Variants in WWP1 observed in about 807,000 individuals in gnomAD.
WWP1 encodes the protein WW domain containing E3 ubiquitin protein ligase 1.
Under a neutral mutation model 130.6 loss-of-function variants are expected in WWP1, and 49 were observed. The ratio of observed to expected loss-of-function variants is 0.38; its 90% CI spans 0.30 to 0.48. The LOEUF (loss-of-function observed/expected upper bound fraction) is 0.48. WWP1 is among the 20% of genes least tolerant of loss of function. The pLI is 0.99. For synonymous variants in WWP1, 332 were observed against 367.8 expected (o/e 0.90, Z 1.11); for missense variants, 809 against 1,100.6 (o/e 0.74, Z 3.75).
intron 9 of WWP1, among the ~76,000 whole-genome samples, chr8:86,414,078 G>C (rs1232758961): frequency 6.6e-6 from 1 of 152,152 alleles, no homozygotes; most frequent in Non-Finnish European, 1.5e-5. Context: ...CTATATTAGT[G>C]TTTTTCAAAT....
rs1179872319 is a variant in WWP1, at chr8:86,448,446, T to G, written c.2206T>G (p.Ser736Ala). 6.2e-7 allele frequency: 1 copy of G among 1,613,812 alleles called. No homozygotes were observed. Among genetic ancestry groups the G allele is most frequent in the East Asian group, 2.2e-5 (1 of 44,808 alleles). Residue 736 changes from serine to alanine, a missense_variant, in exon 20 of 25, where the codon TCA (serine) becomes GCA (alanine). Coordinates refer to ENST00000517970, the MANE Select transcript of WWP1 (RefSeq NM_007013.4). ...VDMEILGKVT[S>A]HDLKLGGSNI... is the part of the protein sequence containing the mutation. The stretch of plus-strand genomic sequence containing the variant: ...CATGGAGATTTTGGGAAAAGTTACT[T>G]CACATGACCTGAAGTTGGGAGGTTC...
intron 14 of WWP1, 103 bp from the exon 15 acceptor site, chr8:86,435,348 TC>T (rs1210673387): frequency 8.4e-7 from 1 of 1,195,236 alleles, no homozygotes; most frequent in Non-Finnish European, 1.2e-6. Context: ...GCAGAAATCT[TC>T]CTGTGGTATT....
At chr8:86,368,622 A>G (rs1474881706) in intron 1 of WWP1, among the ~76,000 whole-genome samples, 2 of 152,166 alleles carry the variant, frequency 1.3e-5, no homozygotes, top group Admixed American at 1.3e-4. Flanking sequence ...GTATATTTTA[A>G]ATACAATATA....
At chr8:86,352,039 CTTTTTTTT>C (rs770047019) in intron 1 of WWP1, among the ~76,000 whole-genome samples, 1 of 125,184 alleles carries the variant, frequency 8.0e-6, no homozygotes, top group Non-Finnish European at 1.6e-5. Flanking sequence ...TAAAATATTC[CTTTTTTTT>C]TTTTTTTTTT....
intron 5 of WWP1, among the ~76,000 whole-genome samples, chr8:86,395,514 C>G (rs1376695601): frequency 6.6e-6 from 1 of 152,072 alleles, no homozygotes; most frequent in African/African-American, 2.4e-5. Context: ...AAAAGTCATG[C>G]CTGGTGACCA....
At chr8:86,401,194 GC>G (rs1807959302) in intron 7 of WWP1, among the ~76,000 whole-genome samples, 1 of 151,702 alleles carries the variant, frequency 6.6e-6, no homozygotes, top group Admixed American at 6.6e-5. Flanking sequence ...TGATTTTAGT[GC>G]CTAGTATATG....
chr8:86,442,748 C>T lies in WWP1; in HGVS notation c.1968C>T (p.Tyr656=), dbSNP rs1810654808. The change falls in exon 18 of 25, where the codon TAC becomes TAT. Residue 656 remains tyrosine (Y), a synonymous_variant. Transcript: ENST00000517970. ...ASTINPDHLS[Y]FCFIGRFIAM... ...CCATTAATCCAGACCATCTTTCATACTTCTGTTTCATTGGTCGTTTTATTG... is the reference window on the plus strand; with the variant it reads ...CCATTAATCCAGACCATCTTTCATATTTCTGTTTCATTGGTCGTTTTATTG... 3 of 1,608,378 alleles carry T rather than the reference C, an allele frequency of 1.9e-6. No individual in the cohort carries two copies. The highest frequency in any genetic ancestry group is 2.5e-6 in the Non-Finnish European group (3 of 1,178,272).
In WWP1 at chr8:86,398,616, C is replaced by A; in HGVS notation, c.517C>A (p.Pro173Thr). Residue 173 changes from proline (P) to threonine (T), a missense_variant, in exon 7 of 25, where the codon CCT (proline) becomes ACT (threonine). This residue lies in a region of WWP1 where 262 missense variants were observed against 346.0 expected (regional missense o/e 0.76). Transcript: ENST00000517970. ...TGATGCCTTACATGAAAATGGAGAG[C>A]CTTCAGCAAGGACAACTGCCAGGTA... ...NGDALHENGE[P>T]SARTTARLAV... The A allele has an allele frequency of 6.2e-7, 1 of 1,612,332 alleles. No individual in the cohort carries two copies. Among genetic ancestry groups the A allele is most frequent in the Middle Eastern group, 2.0e-4 (1 of 5,026 alleles).
chr8:86,465,466 A>C (rs114668153), intron 24 of WWP1, among the ~76,000 whole-genome samples: 1 of 152,270 alleles, frequency 6.6e-6, no homozygotes, highest in African/African-American at 2.4e-5. Context: ...CTACAAAAAA[A>C]AATACAAAAG....
rs779460630 is a variant in WWP1, at chr8:86,461,801, T to C, written c.2624T>C (p.Ile875Thr). The change falls in exon 24 of 25, where the codon ATT becomes ACT. Residue 875 changes from isoleucine (I) to threonine (T), a missense_variant. By Grantham distance (89) the Ile-to-Thr change is moderately conservative. Around this residue, in one of 3 missense-constraint regions of WWP1, gnomAD observed 450 missense variants for 674.2 expected, o/e 0.67. Transcript: ENST00000517970. ...MGSNGPQKFC[I>T]EKVGKDTWLP... ...AGTAATGGGCCTCAAAAGTTTTGCA[T>C]TGAAAAAGTTGGCAAAGACACTTGG... The C allele has an allele frequency of 1.2e-6, 2 of 1,614,068 alleles. No homozygotes were observed. The highest frequency in any genetic ancestry group is 1.7e-6 in the Non-Finnish European group (2 of 1,179,976).
chr8:86,458,625 A>G (rs1447439571), intron 22 of WWP1, among the ~76,000 whole-genome samples: 1 of 152,178 alleles, frequency 6.6e-6, no homozygotes, highest in Non-Finnish European at 1.5e-5. Context: ...TATTCTTCAG[A>G]TAACTACTCT....
At chr8:86,367,951 A>T (rs575761005) in intron 1 of WWP1, among the ~76,000 whole-genome samples, 1 of 152,110 alleles carries the variant, frequency 6.6e-6, no homozygotes, top group South Asian at 2.1e-4. Flanking sequence ...AGTTAATACC[A>T]CTTACATAAA....
intron 5 of WWP1, chr8:86,387,045 CTT>C (rs976046570): frequency 6.6e-6 from 1 of 152,202 alleles, no homozygotes; most frequent in African/African-American, 2.4e-5. Context: ...ACTGCGCCCT[CTT>C]GATTTAATCC....
At chr8:86,388,772 CTTATT>C (rs1825435837) in intron 5 of WWP1, among the ~76,000 whole-genome samples, 1 of 151,962 alleles carries the variant, frequency 6.6e-6, no homozygotes, top group Admixed American at 6.6e-5. Flanking sequence ...GCCAATAATT[CTTATT>C]TTATTTGCCT....
chr8:86,355,937 C>T (rs1042951148), intron 1 of WWP1, among the ~76,000 whole-genome samples: 25 of 152,270 alleles, frequency 1.6e-4, no homozygotes, highest in African/African-American at 6.0e-4. Flanking sequence ...GCTTTGAGCC[C>T]AAGGAAATCT....
At chr8:86,368,783 G>C (rs1432482303) in intron 1 of WWP1, among the ~76,000 whole-genome samples, 156 bp from the exon 2 acceptor site, 2 of 152,134 alleles carry the variant, frequency 1.3e-5, no homozygotes, top group Non-Finnish European at 1.5e-5. Context: ...CACACTTCAA[G>C]ACGCAGTTCT....
At chr8:86,440,733 G>C (rs758787938) in intron 17 of WWP1, 1 of 449,544 alleles carries the variant, frequency 2.2e-6, no homozygotes, top group South Asian at 1.6e-5. Flanking sequence ...ATCAGTCATG[G>C]GTATGTGGAA....
intron 16 of WWP1, among the ~76,000 whole-genome samples, chr8:86,437,740 A>T (rs1471767205): frequency 6.6e-6 from 1 of 152,212 alleles, no homozygotes; most frequent in Admixed American, 6.5e-5. Context: ...CCAATAACGT[A>T]AAGAGTCAGT....
intron 9 of WWP1, among the ~76,000 whole-genome samples, chr8:86,416,141 G>C (rs1277242396): frequency 6.6e-6 from 1 of 152,202 alleles, no homozygotes; most frequent in Non-Finnish European, 1.5e-5. Flanking sequence ...CCATGACAGA[G>C]TGTGGTTTCA....
Sources: allele counts gnomAD v4.1 joint callset (sites outside exome capture counted in the v4.1 genomes callset), GRCh38; gene constraint gnomAD v4.1.1; regional missense constraint gnomAD v4.1.1; transcripts MANE v1.5; gene names NCBI Gene and HGNC (gene_info 2026-07-23, HGNC 2026-07-21).